NCKAP1: variants seen among roughly 807,000 people sequenced by gnomAD.
NCKAP1 encodes the protein nck-associated protein 1.
A neutral mutation model predicts 151.2 loss-of-function variants in NCKAP1; 21 were observed. The ratio of observed to expected loss-of-function variants is 0.14; its 90% CI spans 0.10 to 0.20. The LOEUF is 0.20. Ranked by LOEUF, NCKAP1 falls within the 10% of genes least tolerant of loss-of-function variation. NCKAP1 has a pLI of 1.00. For synonymous variants in NCKAP1, 484 were observed against 451.8 expected (o/e 1.07, Z -0.90); for missense variants, 933 against 1,352.1 (o/e 0.69, Z 4.86).
chr2:182,982,510 G>A (rs1697961276), intron 12 of NCKAP1, among the ~76,000 whole-genome samples: 1 of 152,092 alleles, frequency 6.6e-6, no homozygotes, highest in Non-Finnish European at 1.5e-5. Context: ...CTAGCAATAG[G>A]CAGTATGATA....
At chr2:182,979,034 A>C (rs1006978196) in intron 13 of NCKAP1, 119 bp from the exon 14 acceptor site, 1 of 484,056 alleles carries the variant, frequency 2.1e-6, no homozygotes, top group Non-Finnish European at 3.7e-6. Context: ...ATTTTTCAGT[A>C]ATAAAAAAGA....
At chr2:182,934,089 A>C (rs895759367) in intron 26 of NCKAP1, among the ~76,000 whole-genome samples, 3 of 152,078 alleles carry the variant, frequency 2.0e-5, no homozygotes, top group African/African-American at 7.2e-5. Context: ...CATCTATCTT[A>C]AACTTATTGA....
At chr2:183,007,366 T>C (rs1056886778) in intron 2 of NCKAP1, among the ~76,000 whole-genome samples, 15 of 152,208 alleles carry the variant, frequency 9.9e-5, no homozygotes, top group African/African-American at 3.6e-4. Context: ...ATCTTCATAC[T>C]GAAAAATCCT....
chr2:182,927,462 C>A (rs977181707), intron 29 of NCKAP1, among the ~76,000 whole-genome samples: 9 of 151,850 alleles, frequency 5.9e-5, no homozygotes, highest in African/African-American at 2.2e-4. Context: ...GGATTTATAA[C>A]TGAAAAAGAA....
intron 1 of NCKAP1, among the ~76,000 whole-genome samples, chr2:183,025,435 T>C (rs1698877292): frequency 1.3e-5 from 2 of 152,174 alleles, no homozygotes; most frequent in Non-Finnish European, 2.9e-5. Context: ...TTTTCAAACA[T>C]CACCTAACTT....
intron 17 of NCKAP1, among the ~76,000 whole-genome samples, chr2:182,963,938 T>C (rs1697508287): frequency 6.6e-6 from 1 of 152,174 alleles, no homozygotes; most frequent in African/African-American, 2.4e-5. Flanking sequence ...CTGCAACAGA[T>C]GTTGTCTAAT....
Position 182,911,414 on chromosome 2 carries a change from C to T in NCKAP1, c.*14288G>A, listed in dbSNP as rs1010212441. 2.0e-5 allele frequency: 3 copies of T among 152,098 alleles called. No individual in the cohort carries two copies. The highest frequency in any genetic ancestry group is 7.2e-5 in the African/African-American group (3 of 41,416). 9.4% of individuals were successfully genotyped at this position (152,098 alleles called of 1,614,324 possible). ...GGATTAATTCACAAAACAGCCTATA[C>T]TATATGAATAAGACCAAAAAATGGC... is the stretch of plus-strand genomic sequence containing the variant. On this transcript the variant is annotated 3_prime_UTR_variant, in exon 31 of 31. Coordinates refer to ENST00000361354, the MANE Select transcript of NCKAP1 (RefSeq NM_013436.5).
chr2:182,976,016 A>G (rs1290355274), intron 15 of NCKAP1, among the ~76,000 whole-genome samples: 1 of 152,234 alleles, frequency 6.6e-6, no homozygotes, highest in East Asian at 1.9e-4. Context: ...AATATAGGCC[A>G]GTTATTAAAA....
At chr2:183,022,309 T>C (rs1172687630) in intron 2 of NCKAP1, among the ~76,000 whole-genome samples, 1 of 152,162 alleles carries the variant, frequency 6.6e-6, no homozygotes, top group Non-Finnish European at 1.5e-5. Flanking sequence ...TTAAGACAGA[T>C]TTTCATAACA....
chr2:182,926,951 T>G, intron 29 of NCKAP1, 46 bp from the exon 30 acceptor site: 1 of 1,302,580 alleles, frequency 7.7e-7, no homozygotes. Context: ...AATAAAAGGT[T>G]CATCGGTTAC....
At position 182,924,104 on chromosome 2, in the gene NCKAP1, C is replaced by A. The variant is rs1696595795; in HGVS notation, c.*1598G>T. 6.6e-6 allele frequency: 1 copy of A among 152,176 alleles called. No homozygotes were observed. Among genetic ancestry groups the A allele is most frequent in the South Asian group, 2.1e-4 (1 of 4,830 alleles). The allele number at this position is 152,176 out of a possible 1,614,324, so 9.4% of individuals were successfully genotyped here. A position where few individuals can be genotyped will look rare whatever the true frequency, so the allele number is the denominator to read the frequency against. ...CTGTGTAAATCAGACTATTTCAGGT[C>A]TGAACTATGCCATTTTAAAATTTCC... On this transcript the variant is annotated 3_prime_UTR_variant, in exon 31 of 31. Coordinates refer to ENST00000361354, the MANE Select transcript of NCKAP1 (RefSeq NM_013436.5).
At chr2:182,955,356 A>G (rs1159165035) in intron 20 of NCKAP1, among the ~76,000 whole-genome samples, 3 of 152,208 alleles carry the variant, frequency 2.0e-5, no homozygotes, top group Non-Finnish European at 2.9e-5. Flanking sequence ...AAATTGCTTC[A>G]AGGCTTTGAA....
chr2:182,949,960 A>C (rs1697182415), intron 23 of NCKAP1, among the ~76,000 whole-genome samples: 1 of 152,230 alleles, frequency 6.6e-6, no homozygotes, highest in Non-Finnish European at 1.5e-5. Context: ...GAGAGGTCAC[A>C]ATTAAGATAC....
At chr2:182,986,283 T>A in intron 9 of NCKAP1, 56 bp from the exon 10 acceptor site, 1 of 1,372,988 alleles carries the variant, frequency 7.3e-7, no homozygotes, top group Non-Finnish European at 1.0e-6. Context: ...ACTGTCAAAA[T>A]GAGTAAGTCT....
Position 182,956,584 on chromosome 2 carries a change from T to C in NCKAP1, c.2031A>G (p.Lys677=). Residue 677 remains lysine (K), a synonymous_variant, in exon 20 of 31, where the codon AAA becomes AAG. Transcript: ENST00000361354. The part of the protein sequence containing the change: ...KNRLVVTNLD[K]LHTALSELCF... ...ATAACTCAGAAAGTGCAGTGTGCAA[T>C]TTATCAAGGCTGAAAAAAATTAATA... 6.2e-7 allele frequency: 1 copy of C among 1,602,606 alleles called. No homozygotes were observed. Among genetic ancestry groups the C allele is most frequent in the Non-Finnish European group, 8.5e-7 (1 of 1,176,252 alleles).
chr2:183,000,631 T>C (rs1360494904), intron 6 of NCKAP1, among the ~76,000 whole-genome samples: 1 of 152,208 alleles, frequency 6.6e-6, no homozygotes, highest in Non-Finnish European at 1.5e-5. Context: ...TCAAAACTGA[T>C]GCCATCTACT....
intron 8 of NCKAP1, among the ~76,000 whole-genome samples, chr2:182,991,683 A>T (rs891671328): frequency 6.6e-6 from 1 of 152,180 alleles, no homozygotes; most frequent in Non-Finnish European, 1.5e-5. Context: ...ATTTAAAAGT[A>T]GCTCTTAAAA....
intron 26 of NCKAP1, 115 bp from the exon 27 acceptor site, chr2:182,930,903 G>A (rs959547278): frequency 2.2e-5 from 18 of 809,846 alleles, no homozygotes; most frequent in Non-Finnish European, 3.4e-5. Context: ...AAACTTGGCT[G>A]AAGCAGAAAC....
At chr2:182,938,881 C>G (rs773368366) in intron 24 of NCKAP1, among the ~76,000 whole-genome samples, 3 of 152,040 alleles carry the variant, frequency 2.0e-5, no homozygotes, top group Non-Finnish European at 4.4e-5. Context: ...ACAAGGAGTT[C>G]AATAGGTGTA....
Sources: allele counts gnomAD v4.1 joint callset (sites outside exome capture counted in the v4.1 genomes callset), GRCh38; gene constraint gnomAD v4.1.1; transcripts MANE v1.5; gene names NCBI Gene and HGNC (gene_info 2026-07-23, HGNC 2026-07-21).